The following AUTS2 variants were observed in gnomAD, a reference collection of about 807,000 sequenced individuals.
The protein encoded by AUTS2 is activator of transcription and developmental regulator AUTS2, also known as autism susceptibility gene 2 protein.
Under a neutral mutation model 112.4 loss-of-function variants are expected in AUTS2, and 17 were observed. The ratio of observed to expected loss-of-function variants is 0.15; its 90% confidence interval spans 0.10 to 0.23. AUTS2 has a LOEUF of 0.23. AUTS2 is among the 10% of genes least tolerant of loss of function. The pLI is 1.00. For synonymous variants in AUTS2, 751 were observed against 702.7 expected, an observed-to-expected ratio of 1.07 and a Z score of -1.09; for missense variants, 1,510 against 1,701.6, an observed-to-expected ratio of 0.89 and a Z score of 1.98.
At chr7:70,448,255 C>A (rs1312027659) in intron 5 of AUTS2, among the ~76,000 whole-genome samples, 3 of 152,110 alleles carry the variant, frequency 2.0e-5, no homozygotes, top group African/African-American at 7.2e-5. Context: ...ATGGACAAGC[C>A]ATTCTTACCA....
intron 2 of AUTS2, among the ~76,000 whole-genome samples, chr7:69,927,040 A>G (rs1330175430): frequency 2.0e-5 from 3 of 147,834 alleles, no homozygotes; most frequent in Admixed American, 6.8e-5. Flanking sequence ...ATAAGGGAGC[A>G]AAAGAGATAA....
chr7:70,089,167 A>G (rs781038249), intron 2 of AUTS2, among the ~76,000 whole-genome samples: 2 of 152,134 alleles, frequency 1.3e-5, no homozygotes, highest in African/African-American at 4.8e-5. Flanking sequence ...TGTTCTTTCA[A>G]TTATTAAGAA....
chr7:70,009,286 A>G (rs997536611), intron 2 of AUTS2, among the ~76,000 whole-genome samples: 2 of 152,158 alleles, frequency 1.3e-5, no homozygotes, highest in Non-Finnish European at 2.9e-5. Flanking sequence ...CCACGATCTA[A>G]TCACCTCCTG....
At chr7:70,325,211 C>G (rs1413439367) in intron 4 of AUTS2, among the ~76,000 whole-genome samples, 1 of 152,090 alleles carries the variant, frequency 6.6e-6, no homozygotes, top group Non-Finnish European at 1.5e-5. Context: ...GTAATCCCAG[C>G]TCTTTGAGAG....
intron 4 of AUTS2, among the ~76,000 whole-genome samples, chr7:70,327,294 A>C (rs1790535918): frequency 6.6e-6 from 1 of 152,022 alleles, no homozygotes; most frequent in Admixed American, 6.6e-5. Flanking sequence ...GTGTCTTCCC[A>C]CCTTCAGAAA....
At chr7:70,192,820 CA>C (rs1809973333) in intron 4 of AUTS2, among the ~76,000 whole-genome samples, 1 of 152,128 alleles carries the variant, frequency 6.6e-6, no homozygotes, top group Non-Finnish European at 1.5e-5. Flanking sequence ...GGAATTTGGG[CA>C]GATGGAATGC....
chr7:69,726,510 GTT>G (rs144686827), intron 1 of AUTS2, among the ~76,000 whole-genome samples: 4 of 139,618 alleles, frequency 2.9e-5, no homozygotes, highest in East Asian at 2.0e-4. Flanking sequence ...TCTTGTACAA[GTT>G]TTTTTTTTTT....
chr7:69,766,164 G>T (rs1291245192), intron 1 of AUTS2, among the ~76,000 whole-genome samples: 1 of 152,064 alleles, frequency 6.6e-6, no homozygotes, highest in African/African-American at 2.4e-5. Context: ...CTATGAATTT[G>T]ATTACTCTAA....
At chr7:70,166,437 T>G (rs2129578107) in intron 4 of AUTS2, among the ~76,000 whole-genome samples, 1 of 152,268 alleles carries the variant, frequency 6.6e-6, no homozygotes, top group African/African-American at 2.4e-5. Context: ...ATTTTGGCAA[T>G]AATACCTTAA....
rs1045188088 is a variant in AUTS2 at position 70,510,971 on chromosome 7, C to T, written c.690+75190C>T. 3.6e-4 allele frequency among the ~76,000 whole-genome samples: 55 copies of T among 152,082 alleles called. 1 individual carries two copies. Among genetic ancestry groups the T allele is most frequent in the Admixed American group, 3.5e-3 (54 of 15,270 alleles). ...TCAAGTGATTGTCCTGCCTCAGCCT[C>T]CTGAGTAGTTGGGATTACAGGCACC... On this transcript the variant is annotated intron_variant, in intron 5 of 18. Transcript: ENST00000342771.
At chr7:69,961,130 A>T (rs1797413535) in intron 2 of AUTS2, among the ~76,000 whole-genome samples, 1 of 152,104 alleles carries the variant, frequency 6.6e-6, no homozygotes, top group African/African-American at 2.4e-5. Context: ...GTTTTCATGC[A>T]CCAGATACTG....
intron 4 of AUTS2, among the ~76,000 whole-genome samples, chr7:70,185,753 A>G (rs1809569928): frequency 6.6e-6 from 1 of 152,158 alleles, no homozygotes; most frequent in South Asian, 2.1e-4. Flanking sequence ...CATGTGTAGA[A>G]TCAAAGAGCA....
At chr7:70,016,293 T>C (rs542797979) in intron 2 of AUTS2, among the ~76,000 whole-genome samples, 77 of 152,318 alleles carry the variant, frequency 5.1e-4, no homozygotes, top group African/African-American at 1.8e-3. Context: ...TCCAGGTTTC[T>C]ATTATTATAT....
chr7:70,172,398 C>T lies in AUTS2; in HGVS notation c.660+37827C>T, dbSNP rs149081882. On this transcript the variant is annotated intron_variant, in intron 4 of 18. Coordinates refer to ENST00000342771, the MANE Select transcript of AUTS2 (RefSeq NM_015570.4). ...GACAACCTTCTTCGTAATTAAAGAA[C>T]GTTCTTTCATGGGAAATTTTATTTT... Among the ~76,000 whole-genome samples the T allele has an allele frequency of 1.3e-3, 192 of 152,302 alleles. 3 individuals carry two copies. The Middle Eastern group carries it at 0.027, about 22-fold the overall frequency.
chr7:70,533,087 G>A (rs1046290000), intron 5 of AUTS2, among the ~76,000 whole-genome samples: 3 of 152,180 alleles, frequency 2.0e-5, no homozygotes, highest in Non-Finnish European at 4.4e-5. Flanking sequence ...AAAGACAACA[G>A]CCCAAGTGCT....
In AUTS2 at chr7:70,118,218, G is replaced by A; in HGVS notation, c.609G>A (p.Arg203=). 6.3e-7 allele frequency: 1 copy of A among 1,593,082 alleles called. No individual in the cohort carries two copies. Among genetic ancestry groups the A allele is most frequent in the East Asian group, 2.3e-5 (1 of 44,294 alleles). ...ESKGFHRSSS[R]ERLSDSSAPS... ...AGGGCTTCCACCGGAGCAGCTCTCG[G>A]GAAAGGCTCAGTGATGTAAGTTTAA... The change falls in exon 3 of 19, where the codon CGG becomes CGA. Residue 203 remains arginine (R), a synonymous_variant. Coordinates refer to ENST00000342771, the MANE Select transcript of AUTS2 (RefSeq NM_015570.4).
chr7:70,523,758 C>T (rs111923935), intron 5 of AUTS2, among the ~76,000 whole-genome samples: 5 of 152,242 alleles, frequency 3.3e-5, no homozygotes, highest in Admixed American at 1.3e-4. Flanking sequence ...TACAACGCAC[C>T]GTGCCCCACA....
At chr7:70,776,459 A>T (rs1170848788) in intron 13 of AUTS2, among the ~76,000 whole-genome samples, 1 of 152,210 alleles carries the variant, frequency 6.6e-6, no homozygotes, top group Non-Finnish European at 1.5e-5. Context: ...GCAGAGGCCT[A>T]GATAGAGAAC....
chr7:70,626,430 A>T lies in AUTS2; in HGVS notation c.691-72139A>T, dbSNP rs898221784. ...TTCTTTTAAGTACTGGTAGGACTGGATCCTACCACAGGAAAAAAATAATAA... is the reference window on the plus strand; with the variant it reads ...TTCTTTTAAGTACTGGTAGGACTGGTTCCTACCACAGGAAAAAAATAATAA... On this transcript the variant is annotated intron_variant, in intron 5 of 18. Coordinates refer to ENST00000342771, the MANE Select transcript of AUTS2 (RefSeq NM_015570.4). 1.4e-3 allele frequency among the ~76,000 whole-genome samples: 212 copies of T among 151,088 alleles called. 2 individuals are homozygous for T. The highest frequency in any genetic ancestry group is 4.3e-4 in the Non-Finnish European group (29 of 67,854).
Sources: allele counts gnomAD v4.1 joint callset (sites outside exome capture counted in the v4.1 genomes callset), GRCh38; gene constraint gnomAD v4.1.1; transcripts MANE v1.5; gene names NCBI Gene and HGNC (gene_info 2026-07-23, HGNC 2026-07-21).